The following RTF2 variants were observed in gnomAD, a reference collection of about 807,000 sequenced individuals.
The protein encoded by RTF2 is UPF0549 protein C20orf43.
RTF2 carries 18 observed loss-of-function variants against 38.0 expected under a neutral mutation model. That is an observed-to-expected ratio of 0.47 (90% CI 0.33 to 0.70). The LOEUF is 0.70. RTF2 is among the 30% of genes least tolerant of loss of function. The pLI is 0.02. For synonymous variants in RTF2, 126 were observed against 137.1 expected (o/e 0.92, Z 0.57); for missense variants, 311 against 379.6 (o/e 0.82, Z 1.50).
At chr20:56,494,254 T>C (rs8123062) in intron 5 of RTF2, among the ~76,000 whole-genome samples, 56,562 of 152,166 alleles carry the variant, frequency 0.37, 11,239 homozygotes, top group Non-Finnish European at 0.45. Context: ...TTCTGAAGTA[T>C]TTACTTTTAG....
At chr20:56,469,464 A>C (rs1455666546) in intron 1 of RTF2, among the ~76,000 whole-genome samples, 1 of 152,258 alleles carries the variant, frequency 6.6e-6, no homozygotes. Flanking sequence ...CAGGGATATT[A>C]AGGTGACTAA....
At chr20:56,491,615 A>C in intron 5 of RTF2, 1 of 1,551,886 alleles carries the variant, frequency 6.4e-7, no homozygotes, top group Non-Finnish European at 8.7e-7. Flanking sequence ...GTGTGGCTCT[A>C]TAGGAACTTC....
chr20:56,518,292 C>A lies in RTF2; in HGVS notation c.*27C>A, dbSNP rs566374900. The A allele has an allele frequency of 1.3e-6, 2 of 1,596,832 alleles. No individual in the cohort carries two copies. Among genetic ancestry groups the A allele is most frequent in the African/African-American group, 2.7e-5 (2 of 74,050 alleles). On this transcript the variant is annotated 3_prime_UTR_variant, in exon 9 of 9. Coordinates refer to ENST00000357348, the MANE Select transcript of RTF2 (RefSeq NM_016407.5). ...GCCCGCACTGCCACCGCTCCTGCCC[C>A]AGAAGGTTGTTTAGTTTCCACGTAG...
chr20:56,517,101 T>C lies in RTF2; in HGVS notation c.647-5T>C. ...TTTGCTTTGCCTACTTTGTTTCTTT[T>C]ACAGAAGCCCCAGGGCCATCAAAAG... On this transcript the variant is annotated splice_region_variant and splice_polypyrimidine_tract_variant and intron_variant, in intron 7 of 8. Coordinates refer to ENST00000357348, the MANE Select transcript of RTF2 (RefSeq NM_016407.5). The C allele has an allele frequency of 6.2e-7, 1 of 1,614,104 alleles. No homozygotes were observed. Among genetic ancestry groups the C allele is most frequent in the Admixed American group, 1.7e-5 (1 of 60,008 alleles).
intron 5 of RTF2, among the ~76,000 whole-genome samples, chr20:56,498,727 T>C (rs555393864): frequency 1.3e-5 from 2 of 152,346 alleles, no homozygotes; most frequent in East Asian, 3.9e-4. Flanking sequence ...ATAGGTAACA[T>C]GTCAAGCTTT....
At chr20:56,487,535 A>G (rs1443283692) in intron 5 of RTF2, among the ~76,000 whole-genome samples, 1 of 152,234 alleles carries the variant, frequency 6.6e-6, no homozygotes, top group Non-Finnish European at 1.5e-5. Flanking sequence ...GGAATACCTC[A>G]GGAAATTGTC....
intron 5 of RTF2, chr20:56,497,325 AGCCC>A: frequency 6.4e-7 from 1 of 1,550,396 alleles, no homozygotes; most frequent in Admixed American, 2.0e-5. Flanking sequence ...TATGAAATGC[AGCCC>A]CCGAGAAATC....
intron 5 of RTF2, chr20:56,497,581 C>T (rs1448984714): frequency 7.4e-7 from 1 of 1,342,438 alleles, no homozygotes; most frequent in Non-Finnish European, 9.8e-7. Flanking sequence ...ACGACAAGTC[C>T]AGACTTTGTG....
At chr20:56,481,622 C>T (rs113683819) in intron 4 of RTF2, among the ~76,000 whole-genome samples, 37 of 150,736 alleles carry the variant, frequency 2.5e-4, no homozygotes, top group Admixed American at 6.6e-5. Context: ...TATATATATA[C>T]ACACACATAT....
intron 2 of RTF2, 28 bp downstream of exon 2, chr20:56,473,423 A>G (rs1982071819): frequency 6.9e-7 from 1 of 1,450,708 alleles, no homozygotes; most frequent in South Asian, 1.2e-5. Context: ...AATCAAGATG[A>G]GTTTGTTAAG....
rs565134149 is a variant in RTF2 at position 56,500,650 on chromosome 20, C to T, written c.478-12665C>T. 1.7e-4 allele frequency among the ~76,000 whole-genome samples: 26 copies of T among 152,344 alleles called. No homozygotes were observed. The South Asian group carries it at 4.3e-3, about 25-fold the overall frequency. On this transcript the variant is annotated intron_variant, in intron 5 of 8. Coordinates refer to ENST00000357348, the MANE Select transcript of RTF2 (RefSeq NM_016407.5). Reference sequence around the variant, plus strand: ...CCTTCTACCTTGGTTCCATCAGCACCAGCTTTCACTGTGGCCCAGTTAAAT... The same window carrying T: ...CCTTCTACCTTGGTTCCATCAGCACTAGCTTTCACTGTGGCCCAGTTAAAT...
chr20:56,495,793 G>A (rs1983491226), intron 5 of RTF2, among the ~76,000 whole-genome samples: 1 of 152,174 alleles, frequency 6.6e-6, no homozygotes, highest in African/African-American at 2.4e-5. Flanking sequence ...CAGGCTTGAA[G>A]CCACACTCCC....
rs1985182305 is a variant in RTF2 at position 56,518,320 on chromosome 20, A to T, written c.*55A>T. The T allele has an allele frequency of 6.5e-7, 1 of 1,548,804 alleles. No individual in the cohort carries two copies. Among genetic ancestry groups the T allele is most frequent in the Admixed American group, 1.9e-5 (1 of 52,688 alleles). ...AAGGTTGTTTAGTTTCCACGTAGGC[A>T]GGTCGCTTTGTGCCTCTGAGTGCGC... On this transcript the variant is annotated 3_prime_UTR_variant, in exon 9 of 9. Coordinates refer to ENST00000357348, the MANE Select transcript of RTF2 (RefSeq NM_016407.5).
intron 1 of RTF2, among the ~76,000 whole-genome samples, chr20:56,469,616 G>A (rs920243950): frequency 2.0e-5 from 3 of 152,178 alleles, no homozygotes; most frequent in African/African-American, 7.2e-5. Context: ...TATTTGTAAA[G>A]CACACGTGGA....
chr20:56,486,515 G>A (rs1200477893), intron 5 of RTF2, among the ~76,000 whole-genome samples: 1 of 152,110 alleles, frequency 6.6e-6, no homozygotes, highest in Non-Finnish European at 1.5e-5. Flanking sequence ...TGGGTGTGGT[G>A]GCACGCGCCT....
At chr20:56,471,743 T>TTCTCCCTGTCCCCAACTC (rs1981983133) in intron 1 of RTF2, 1 of 152,212 alleles carries the variant, frequency 6.6e-6, no homozygotes, top group African/African-American at 2.4e-5. Flanking sequence ...TTTGTCACTT[T>TTCTCCCTGTCCCCAACTC]TCTCCCTGTC....
chr20:56,504,745 G>A (rs1211547392), intron 5 of RTF2, among the ~76,000 whole-genome samples: 1 of 152,186 alleles, frequency 6.6e-6, no homozygotes, highest in Non-Finnish European at 1.5e-5. Flanking sequence ...GCTTGCCACA[G>A]ACAGCTCTAT....
At chr20:56,513,131 C>T (rs1271959947) in intron 5 of RTF2, among the ~76,000 whole-genome samples, 184 bp from the exon 6 acceptor site, 1 of 152,230 alleles carries the variant, frequency 6.6e-6, no homozygotes, top group Non-Finnish European at 1.5e-5. Context: ...GCACTCTTAA[C>T]CTGCTACGCT....
chr20:56,506,961 A>G (rs1248059225), intron 5 of RTF2, among the ~76,000 whole-genome samples: 1 of 152,158 alleles, frequency 6.6e-6, no homozygotes, highest in South Asian at 2.1e-4. Flanking sequence ...CGGCCTTCCA[A>G]AGTACTGGGA....
Sources: gnomAD v4.1 joint callset for allele counts (sites outside exome capture counted in the v4.1 genomes callset) on GRCh38, gnomAD v4.1.1 for gene constraint, MANE v1.5 for transcripts, NCBI Gene and HGNC (gene_info 2026-07-23, HGNC 2026-07-21) for gene names.